The following ZBTB7C variants were observed in gnomAD, a reference collection of about 807,000 sequenced individuals.
The protein encoded by ZBTB7C is zinc finger and BTB domain containing 7C.
ZBTB7C carries 8 observed loss-of-function variants against 25.7 expected under a neutral mutation model. The ratio of observed to expected loss-of-function variants is 0.31; its 90% CI spans 0.18 to 0.56. ZBTB7C has a LOEUF of 0.56. Among genes scored for constraint, ZBTB7C ranks in the 20% least tolerant of loss-of-function variants. ZBTB7C has a pLI of 0.91. For missense variants in ZBTB7C, 824 were observed against 855.2 expected (o/e 0.96, Z 0.46); for synonymous variants, 394 against 369.0 (o/e 1.07, Z -0.78).
chr18:48,034,416 T>G (rs2035883047), intron 4 of ZBTB7C, among the ~76,000 whole-genome samples: 1 of 152,112 alleles, frequency 6.6e-6, no homozygotes, highest in Non-Finnish European at 1.5e-5. Context: ...TCCCCGTGTG[T>G]GCATGTCTTG....
chr18:48,065,637 G>A (rs1295433169), intron 3 of ZBTB7C, among the ~76,000 whole-genome samples: 3 of 152,174 alleles, frequency 2.0e-5, no homozygotes, highest in African/African-American at 4.8e-5. Flanking sequence ...AGGCATGAAG[G>A]GGCAAAGCCA....
intron 1 of ZBTB7C, among the ~76,000 whole-genome samples, chr18:48,379,387 A>C (rs897512335): frequency 6.6e-6 from 1 of 152,220 alleles, no homozygotes; most frequent in African/African-American, 2.4e-5. Context: ...CAATATCTAC[A>C]GGGATTTTGA....
chr18:48,064,867 G>A (rs1004455902), intron 3 of ZBTB7C, among the ~76,000 whole-genome samples: 1 of 152,180 alleles, frequency 6.6e-6, no homozygotes, highest in Non-Finnish European at 1.5e-5. Flanking sequence ...GAGGAAAATG[G>A]CAGGAGAAGA....
chr18:48,169,049 C>A (rs1389838193), intron 3 of ZBTB7C, among the ~76,000 whole-genome samples: 1 of 152,336 alleles, frequency 6.6e-6, no homozygotes, highest in African/African-American at 2.4e-5. Flanking sequence ...CCAAGGGGGT[C>A]TGTGTGTACC....
At chr18:48,279,146 G>A (rs2044755314) in intron 2 of ZBTB7C, among the ~76,000 whole-genome samples, 1 of 152,006 alleles carries the variant, frequency 6.6e-6, no homozygotes, top group South Asian at 2.1e-4. Flanking sequence ...CATGGAGACG[G>A]TCCCCCCGGC....
chr18:48,250,107 A>C lies in ZBTB7C; in HGVS notation c.-78-64112T>G, dbSNP rs140855542. Among the ~76,000 whole-genome samples, 1,399 of 152,318 alleles carry C rather than the reference A, an allele frequency of 9.2e-3. 13 individuals are homozygous for C. The highest frequency in any genetic ancestry group is 0.026 in the South Asian group (124 of 4,834). On this transcript the variant is annotated intron_variant, in intron 2 of 4. Transcript: ENST00000590800. ...CTCAGCCACCCTCTAAAACCCAGGC[A>C]CAAGCCCAAATGGATTTCCCCAGTG...
At chr18:48,228,747 TCACACACACACA>T (rs55895960) in intron 2 of ZBTB7C, among the ~76,000 whole-genome samples, 3 of 141,180 alleles carry the variant, frequency 2.1e-5, no homozygotes, top group African/African-American at 8.0e-5. Context: ...TCTCTCTCTC[TCACACACACACA>T]CACACACACA....
chr18:48,128,923 C>T (rs1442291391), intron 3 of ZBTB7C, among the ~76,000 whole-genome samples: 2 of 151,970 alleles, frequency 1.3e-5, no homozygotes, highest in Admixed American at 6.5e-5. Flanking sequence ...ATACAGACAC[C>T]CTGAGAAGGG....
At chr18:48,041,264 C>T in intron 3 of ZBTB7C, 141 bp from the exon 4 acceptor site, 1 of 1,407,706 alleles carries the variant, frequency 7.1e-7, no homozygotes, top group Non-Finnish European at 9.2e-7. Flanking sequence ...CTTAGCCTTG[C>T]CAAATCTCAC....
chr18:48,168,673 A>G (rs2041355199), intron 3 of ZBTB7C, among the ~76,000 whole-genome samples: 1 of 152,238 alleles, frequency 6.6e-6, no homozygotes, highest in Admixed American at 6.5e-5. Flanking sequence ...ACTAGATTAA[A>G]GAGCTAGAGG....
intron 1 of ZBTB7C, among the ~76,000 whole-genome samples, chr18:48,371,767 C>T (rs1190622913): frequency 6.6e-6 from 1 of 152,194 alleles, no homozygotes; most frequent in South Asian, 2.1e-4. Context: ...TCCTAAAAGA[C>T]ACAAATAGGT....
rs749540594 is a variant in ZBTB7C at position 48,258,619 on chromosome 18, T to C, written c.-78-72624A>G. Among the ~76,000 whole-genome samples, 3 of 152,320 alleles carry C rather than the reference T, an allele frequency of 2.0e-5. No homozygotes were observed. In the Middle Eastern group the frequency reaches 0.01, roughly 518 times the overall value. On this transcript the variant is annotated intron_variant, in intron 2 of 4. Transcript: ENST00000590800. The stretch of plus-strand genomic sequence containing the variant: ...ATTGATATGTCAATTATCCCCCAAA[T>C]TGATCTGTAGATTCAATGCAATCCC...
At chr18:48,138,565 G>A (rs1310771350) in intron 3 of ZBTB7C, among the ~76,000 whole-genome samples, 1 of 152,188 alleles carries the variant, frequency 6.6e-6, no homozygotes, top group African/African-American at 2.4e-5. Context: ...GCTGCGTGAG[G>A]GGAGAGAGAG....
At chr18:48,049,757 A>G (rs1225672303) in intron 3 of ZBTB7C, among the ~76,000 whole-genome samples, 3 of 152,134 alleles carry the variant, frequency 2.0e-5, no homozygotes, top group Admixed American at 6.5e-5. Context: ...CTTGAGTCCC[A>G]TTGCTTTCCT....
At chr18:48,133,272 G>A (rs1255417877) in intron 3 of ZBTB7C, among the ~76,000 whole-genome samples, 2 of 152,210 alleles carry the variant, frequency 1.3e-5, no homozygotes, top group East Asian at 1.9e-4. Flanking sequence ...GCATGGGTGC[G>A]GATGAAGTGG....
At chr18:48,389,672 A>G (rs2047852747) in intron 1 of ZBTB7C, among the ~76,000 whole-genome samples, 1 of 151,844 alleles carries the variant, frequency 6.6e-6, no homozygotes, top group Admixed American at 6.6e-5. Flanking sequence ...ATTACTGAAG[A>G]CCCCAGCTGA....
At chr18:48,369,779 C>A (rs7235304) in intron 1 of ZBTB7C, among the ~76,000 whole-genome samples, 128,319 of 152,188 alleles carry the variant, frequency 0.84, 54,444 homozygotes, top group East Asian at 0.97. Context: ...AAAGAGAAAT[C>A]CACAAATCCA....
At chr18:48,174,641 C>T (rs776565739) in intron 3 of ZBTB7C, among the ~76,000 whole-genome samples, 48 of 152,110 alleles carry the variant, frequency 3.2e-4, no homozygotes, top group Non-Finnish European at 5.7e-4. Flanking sequence ...AGTGGTCATC[C>T]GTAAGAGAGC....
At chr18:48,186,992 A>G (rs1262940518) in intron 2 of ZBTB7C, among the ~76,000 whole-genome samples, 1 of 152,214 alleles carries the variant, frequency 6.6e-6, no homozygotes, top group Admixed American at 6.5e-5. Flanking sequence ...GCTGAAGCGC[A>G]GACTGAGCAG....
Sources: allele counts gnomAD v4.1 joint callset (sites outside exome capture counted in the v4.1 genomes callset), GRCh38; gene constraint gnomAD v4.1.1; transcripts MANE v1.5; gene names NCBI Gene and HGNC (gene_info 2026-07-23, HGNC 2026-07-21).